Variants in LRFN5 observed in about 807,000 individuals in gnomAD.
The protein encoded by LRFN5 is leucine rich repeat and fibronectin type III domain containing 5.
A neutral mutation model predicts 45.6 loss-of-function variants in LRFN5; 24 were observed. The observed-to-expected ratio is 0.53, with a 90% CI of 0.38 to 0.74. LRFN5 has a LOEUF of 0.74. Among genes scored for constraint, LRFN5 ranks in the 30% least tolerant of loss-of-function variants. The pLI, the probability that LRFN5 is intolerant of heterozygous loss-of-function variation, is 0.00. For synonymous variants in LRFN5, 340 were observed against 313.8 expected, an observed-to-expected ratio of 1.08 and a Z score of -0.88; for missense variants, 776 against 861.5, an observed-to-expected ratio of 0.90 and a Z score of 1.24.
At chr14:41,786,920 A>G (rs1886742769) in intron 2 of LRFN5, among the ~76,000 whole-genome samples, 1 of 151,990 alleles carries the variant, frequency 6.6e-6, no homozygotes, top group East Asian at 1.9e-4. Context: ...TCTGCTATGA[A>G]TACCATCTTG....
At chr14:41,788,766 C>T (rs1432785859) in intron 2 of LRFN5, among the ~76,000 whole-genome samples, 9 of 151,902 alleles carry the variant, frequency 5.9e-5, no homozygotes, top group Admixed American at 2.6e-4. Flanking sequence ...ATCACTTTTC[C>T]AATAATTAAC....
intron 2 of LRFN5, among the ~76,000 whole-genome samples, chr14:41,861,588 G>C (rs1033554933): frequency 3.3e-5 from 5 of 152,142 alleles, no homozygotes; most frequent in African/African-American, 1.2e-4. Flanking sequence ...TGGGCAGAGA[G>C]ACCTTGTGTT....
At chr14:41,686,293 T>G (rs1209171387) in intron 1 of LRFN5, among the ~76,000 whole-genome samples, 12 of 151,948 alleles carry the variant, frequency 7.9e-5, no homozygotes, top group African/African-American at 2.7e-4. Flanking sequence ...AAAGGAATGC[T>G]TGTGATTTTT....
intron 1 of LRFN5, among the ~76,000 whole-genome samples, chr14:41,682,206 A>T (rs57094187): frequency 0.015 from 2,251 of 152,074 alleles, 10 homozygotes; most frequent in African/African-American, 0.021. Flanking sequence ...AGATCGTGGC[A>T]CTACACTCCA....
intron 1 of LRFN5, among the ~76,000 whole-genome samples, chr14:41,745,366 G>T (rs141928369): frequency 1.3e-5 from 2 of 151,834 alleles, no homozygotes; most frequent in Non-Finnish European, 2.9e-5. Flanking sequence ...CAAAACTTAC[G>T]GTACTCAGTG....
chr14:41,867,158 TA>T (rs1402028051), intron 2 of LRFN5, among the ~76,000 whole-genome samples: 2 of 152,146 alleles, frequency 1.3e-5, no homozygotes, highest in Non-Finnish European at 2.9e-5. Context: ...ATGAAGGTGA[TA>T]AAACATACTG....
At chr14:41,629,136 A>T (rs1888449299) in intron 1 of LRFN5, among the ~76,000 whole-genome samples, 1 of 152,208 alleles carries the variant, frequency 6.6e-6, no homozygotes, top group Admixed American at 6.5e-5. Context: ...GCAGTTATTT[A>T]TAAGTTCTGG....
chr14:41,861,848 A>T (rs1053559361), intron 2 of LRFN5, among the ~76,000 whole-genome samples: 2 of 152,184 alleles, frequency 1.3e-5, no homozygotes, highest in African/African-American at 2.4e-5. Context: ...CCAACAGCCT[A>T]GACATTCCCC....
At chr14:41,798,321 TG>T (rs1887205591) in intron 2 of LRFN5, among the ~76,000 whole-genome samples, 2 of 152,068 alleles carry the variant, frequency 1.3e-5, no homozygotes, top group Non-Finnish European at 2.9e-5. Context: ...TTCCACTTTC[TG>T]TTAACATCAA....
In LRFN5 at chr14:41,856,675, A is replaced by ATTATTATTATT; in HGVS notation, c.-20-29929_-20-29928insATTATTATTTT. On this transcript the variant is annotated intron_variant, in intron 2 of 5. Transcript: ENST00000298119. ...TTCTTTCCTAATTATTATTATTATT[A>ATTATTATTATT]TTTTTTTTTTTTTTTTTTTGAGACG... Among the ~76,000 whole-genome samples, 99 of 18,350 alleles carry ATTATTATTATT rather than the reference A, an allele frequency of 5.4e-3. 13 individuals carry two copies. In the East Asian group the frequency reaches 0.1, roughly 19 times the overall value. 12.0% of individuals were successfully genotyped at this position (18,350 alleles called of 152,430 possible).
At chr14:41,783,385 C>A (rs1886604610) in intron 2 of LRFN5, among the ~76,000 whole-genome samples, 1 of 152,066 alleles carries the variant, frequency 6.6e-6, no homozygotes, top group African/African-American at 2.4e-5. Context: ...CCTGAGTCTC[C>A]AGATTTCATT....
intron 2 of LRFN5, among the ~76,000 whole-genome samples, chr14:41,790,785 T>C (rs10145783): frequency 6.6e-6 from 1 of 150,950 alleles, no homozygotes; most frequent in African/African-American, 2.4e-5. Flanking sequence ...TTATTCCAGA[T>C]TGAAATATGT....
intron 1 of LRFN5, among the ~76,000 whole-genome samples, chr14:41,636,701 G>A (rs143134006): frequency 7.2e-4 from 109 of 152,180 alleles, no homozygotes; most frequent in African/African-American, 2.6e-3. Flanking sequence ...TTACCAACTT[G>A]CCTGATTCCA....
At chr14:41,724,490 C>A (rs1351828070) in intron 1 of LRFN5, among the ~76,000 whole-genome samples, 1 of 152,046 alleles carries the variant, frequency 6.6e-6, no homozygotes, top group Non-Finnish European at 1.5e-5. Flanking sequence ...TTCTAAAATG[C>A]TGCACTGAAG....
intron 1 of LRFN5, among the ~76,000 whole-genome samples, chr14:41,752,160 A>G (rs1174895803): frequency 6.6e-6 from 1 of 152,140 alleles, no homozygotes; most frequent in African/African-American, 2.4e-5. Context: ...AATCCAGTCT[A>G]TCATTTATGG....
At chr14:41,645,499 T>C (rs542816938) in intron 1 of LRFN5, among the ~76,000 whole-genome samples, 2 of 127,634 alleles carry the variant, frequency 1.6e-5, no homozygotes, top group Admixed American at 8.8e-5. Context: ...TGAGAGTTTG[T>C]TAAAAAGTTT....
At chr14:41,766,201 T>C (rs1885878048) in intron 1 of LRFN5, among the ~76,000 whole-genome samples, 1 of 152,188 alleles carries the variant, frequency 6.6e-6, no homozygotes, top group African/African-American at 2.4e-5. Flanking sequence ...TATTACATAG[T>C]AATCTTATAG....
chr14:41,712,548 A>G (rs1883329547), intron 1 of LRFN5, among the ~76,000 whole-genome samples: 1 of 152,228 alleles, frequency 6.6e-6, no homozygotes, highest in Non-Finnish European at 1.5e-5. Context: ...TAACTTGGCA[A>G]TTCTAAAATT....
intron 2 of LRFN5, among the ~76,000 whole-genome samples, chr14:41,841,721 A>G (rs1888866691): frequency 6.6e-6 from 1 of 151,866 alleles, no homozygotes; most frequent in African/African-American, 2.4e-5. Context: ...TTATGAGTAT[A>G]CTAAGTGTAG....
Sources: gnomAD v4.1 joint callset for allele counts (sites outside exome capture counted in the v4.1 genomes callset) on GRCh38, gnomAD v4.1.1 for gene constraint, MANE v1.5 for transcripts, NCBI Gene and HGNC (gene_info 2026-07-23, HGNC 2026-07-21) for gene names.